The following CDON variants were observed in gnomAD, a reference collection of about 807,000 sequenced individuals.
The protein encoded by CDON is cell adhesion associated, oncogene regulated.
In CDON, 73 loss-of-function variants were observed where a neutral mutation model predicts 120.9. The ratio of observed to expected loss-of-function variants is 0.60; its 90% CI spans 0.50 to 0.73. The LOEUF (loss-of-function observed/expected upper bound fraction) is 0.73, where lower values mean the gene tolerates loss of function less well. Ranked by LOEUF, CDON falls within the 30% of genes least tolerant of loss-of-function variation. The pLI is 0.00. For synonymous variants in CDON, 566 were observed against 573.5 expected (o/e 0.99, Z 0.19); for missense variants, 1,470 against 1,587.3 (o/e 0.93, Z 1.26).
At chr11:126,008,403 A>T (rs1046481094) in intron 8 of CDON, among the ~76,000 whole-genome samples, 5 of 152,180 alleles carry the variant, frequency 3.3e-5, no homozygotes, top group African/African-American at 1.2e-4. Flanking sequence ...CTAGAAAATT[A>T]AAAAAAGACA....
intron 1 of CDON, among the ~76,000 whole-genome samples, chr11:126,042,782 C>T (rs573510072): frequency 2.6e-5 from 4 of 152,126 alleles, no homozygotes; most frequent in South Asian, 2.1e-4. Flanking sequence ...CTGCCATGCT[C>T]GGCTTCTTTT....
intron 15 of CDON, among the ~76,000 whole-genome samples, chr11:125,987,713 C>T (rs1946509611): frequency 1.3e-5 from 2 of 152,134 alleles, no homozygotes; most frequent in South Asian, 2.1e-4. Flanking sequence ...TCTTAAATGT[C>T]CTGGGGACAG....
intron 18 of CDON, among the ~76,000 whole-genome samples, chr11:125,971,146 G>A (rs1945972532): frequency 6.6e-6 from 1 of 152,096 alleles, no homozygotes; most frequent in East Asian, 1.9e-4. Context: ...TACTTTGGGG[G>A]GCCAAGGCGG....
chr11:126,003,676 C>T (rs994812013), intron 10 of CDON, among the ~76,000 whole-genome samples: 13 of 152,040 alleles, frequency 8.6e-5, no homozygotes, highest in African/African-American at 2.7e-4. Flanking sequence ...AAAAATTAGC[C>T]GGGCATGGTG....
At chr11:126,005,217 G>T (rs1310818019) in intron 9 of CDON, among the ~76,000 whole-genome samples, 1 of 150,604 alleles carries the variant, frequency 6.6e-6, no homozygotes, top group Non-Finnish European at 1.5e-5. Flanking sequence ...CACGAGAACT[G>T]CTGGAACCCG....
At position 126,005,755 on chromosome 11, in the gene CDON, T is replaced by C. The variant is rs1035342400; in HGVS notation, c.1851+4A>G. ...GAGAAAGATGATAAACGACAAGACATTACCTTTCGATACTTCACAAAGTAA... is the reference window on the plus strand; with the variant it reads ...GAGAAAGATGATAAACGACAAGACACTACCTTTCGATACTTCACAAAGTAA... On this transcript the variant is annotated splice_donor_region_variant and intron_variant, in intron 9 of 19. Coordinates refer to ENST00000531738, the MANE Select transcript of CDON (RefSeq NM_001378964.1). 3 of 1,612,620 alleles carry C rather than the reference T, an allele frequency of 1.9e-6. No individual in the cohort carries two copies. The highest frequency in any genetic ancestry group is 2.5e-6 in the Non-Finnish European group (3 of 1,179,674).
intron 1 of CDON, among the ~76,000 whole-genome samples, chr11:126,061,637 C>T (rs114486718): frequency 6.6e-6 from 1 of 152,322 alleles, no homozygotes; most frequent in African/African-American, 2.4e-5. Flanking sequence ...ACTGACTTGG[C>T]GTCTTTCATC....
intron 18 of CDON, among the ~76,000 whole-genome samples, chr11:125,970,916 AAAT>A (rs1945963248): frequency 6.6e-6 from 1 of 152,320 alleles, no homozygotes; most frequent in Admixed American, 6.5e-5. Flanking sequence ...TCAATTTTTA[AAAT>A]TCAACACAGC....
intron 8 of CDON, 150 bp downstream of exon 8, chr11:126,010,191 T>C (rs1947249858): frequency 1.6e-6 from 1 of 639,774 alleles, no homozygotes; most frequent in African/African-American, 1.8e-5. Context: ...TAAAGTGAAA[T>C]ACCAAGAAAT....
intron 4 of CDON, among the ~76,000 whole-genome samples, chr11:126,018,712 G>A (rs1947542585): frequency 6.6e-6 from 1 of 152,060 alleles, no homozygotes; most frequent in African/African-American, 2.4e-5. Context: ...GGGACTACAG[G>A]TGCATGCCAC....
At chr11:126,023,708 C>A (rs1321956869) in intron 1 of CDON, among the ~76,000 whole-genome samples, 171 bp from the exon 2 acceptor site, 1 of 152,218 alleles carries the variant, frequency 6.6e-6, no homozygotes, top group East Asian at 1.9e-4. Context: ...TCTCTAGACA[C>A]TAGAGCTAGA....
chr11:126,005,794 G>C lies in CDON; in HGVS notation c.1816C>G (p.Leu606Val). 6 of 1,613,950 alleles carry C rather than the reference G, an allele frequency of 3.7e-6. No homozygotes were observed. Among genetic ancestry groups the C allele is most frequent in the Non-Finnish European group, 5.1e-6 (6 of 1,180,014 alleles). The change falls in exon 9 of 20, where the codon CTG becomes GTG. Residue 606 changes from leucine to valine, a missense_variant. Physicochemically the swap from Leu to Val is conservative, Grantham distance 32. Transcript: ENST00000531738. ...TTCACAAAGTAAGCATTGATGGGCA[G>C]CCCACCATCCTTGCCTGCCCTCCAC... ...LVWRAGKDGGLPINAYFVKYR... is the reference protein window; with the variant it reads ...LVWRAGKDGGVPINAYFVKYR...
At chr11:126,048,499 A>T (rs1565555074) in intron 1 of CDON, among the ~76,000 whole-genome samples, 1 of 152,190 alleles carries the variant, frequency 6.6e-6, no homozygotes, top group Non-Finnish European at 1.5e-5. Flanking sequence ...ATCATATTTT[A>T]TAGTTAGAAG....
chr11:126,037,434 G>A (rs1166493077), intron 1 of CDON, among the ~76,000 whole-genome samples: 1 of 152,052 alleles, frequency 6.6e-6, no homozygotes, highest in African/African-American at 2.4e-5. Flanking sequence ...GACTATGAGT[G>A]GGGTTGGAAT....
rs574464894 is a variant in CDON, at chr11:125,982,510, A to C, written c.2996-1181T>G. On this transcript the variant is annotated intron_variant, in intron 16 of 19. Transcript: ENST00000531738. ...CCCACATTACTGTGTGCTCTCGCCC[A>C]GGTGTGTAGTCTCAGTACACCTGCT... 2.1e-4 allele frequency among the ~76,000 whole-genome samples: 32 copies of C among 152,288 alleles called. No homozygotes were observed. The South Asian group carries it at 2.5e-3, about 12-fold the overall frequency.
intron 1 of CDON, among the ~76,000 whole-genome samples, chr11:126,027,373 T>C (rs918588404): frequency 6.6e-6 from 1 of 152,198 alleles, no homozygotes; most frequent in Admixed American, 6.6e-5. Context: ...TTAGTACTAC[T>C]GGAAAATCTT....
chr11:126,031,575 A>C (rs2134759285), intron 1 of CDON, among the ~76,000 whole-genome samples: 1 of 152,294 alleles, frequency 6.6e-6, no homozygotes, highest in South Asian at 2.1e-4. Context: ...TTCAGATGCC[A>C]ACTGAGGGGG....
intron 11 of CDON, among the ~76,000 whole-genome samples, chr11:125,999,452 C>T (rs566984535): frequency 1.3e-5 from 2 of 152,344 alleles, no homozygotes; most frequent in Admixed American, 6.5e-5. Flanking sequence ...GGTTAACCTC[C>T]TCATGTGTCA....
At chr11:126,029,174 C>T (rs1389860126) in intron 1 of CDON, among the ~76,000 whole-genome samples, 1 of 152,140 alleles carries the variant, frequency 6.6e-6, no homozygotes, top group African/African-American at 2.4e-5. Context: ...CTTGCTAAGG[C>T]ATAAAGCAAC....
Sources: gnomAD v4.1 joint callset for allele counts (sites outside exome capture counted in the v4.1 genomes callset) on GRCh38, gnomAD v4.1.1 for gene constraint, MANE v1.5 for transcripts, NCBI Gene and HGNC (gene_info 2026-07-23, HGNC 2026-07-21) for gene names.